Variants in TG observed in about 807,000 individuals in gnomAD.
TG encodes thyroid hormones.
Under a neutral mutation model 324.7 loss-of-function variants are expected in TG, and 270 were observed. That is an observed-to-expected ratio of 0.83 (90% CI 0.75 to 0.92). The LOEUF is 0.92. Ranked by LOEUF, TG falls within the 40% of genes least tolerant of loss-of-function variation. The pLI is 0.00. For synonymous variants in TG, 1,401 were observed against 1,327.0 expected (o/e 1.06, Z -1.21); for missense variants, 3,591 against 3,456.4 (o/e 1.04, Z -0.98).
chr8:133,017,795 T>G lies in TG; in HGVS notation c.6580T>G (p.Tyr2194Asp). 6.2e-7 allele frequency: 1 copy of G among 1,614,218 alleles called. No homozygotes were observed. The highest frequency in any genetic ancestry group is 1.1e-5 in the South Asian group (1 of 91,086). ...CCCAACAGGAATCTCTCTGCTCAGC[T>G]ATGAGGCATCTGTACCTTCTGTGCC... ...YRKPGISLLS[Y>D]EASVPSVPIS... is the part of the protein sequence containing the mutation. Residue 2194 changes from tyrosine to aspartate, a missense_variant, in exon 38 of 48, where the codon TAT (tyrosine) becomes GAT (aspartate). Physicochemically the swap from Tyr to Asp is radical, Grantham distance 160. Transcript: ENST00000220616.
chr8:133,124,034 T>TCAA (rs1246740010), intron 45 of TG, among the ~76,000 whole-genome samples: 4 of 152,200 alleles, frequency 2.6e-5, no homozygotes, highest in African/African-American at 9.7e-5. Flanking sequence ...AAATTGGAGA[T>TCAA]CAACAGGTCC....
rs990483412 is a variant in TG at position 133,063,380 on chromosome 8, A to G, written c.7240-31664A>G. On this transcript the variant is annotated intron_variant, in intron 41 of 47. Coordinates refer to ENST00000220616, the MANE Select transcript of TG (RefSeq NM_003235.5). ...TCCTTTATGTCAACCATTCCAGAAA[A>G]CAAGTCAGAACAAGATTTTGCTATC... Among the ~76,000 whole-genome samples the G allele has an allele frequency of 5.9e-5, 9 of 152,010 alleles. No individual in the cohort carries two copies. In the East Asian group the frequency reaches 1.7e-3, roughly 29 times the overall value.
In TG at chr8:133,001,989, A is replaced by G. The variant is rs1833556951; in HGVS notation, c.6263-9912A>G. On this transcript the variant is annotated intron_variant, in intron 35 of 47. Coordinates refer to ENST00000220616, the MANE Select transcript of TG (RefSeq NM_003235.5). ...GGGAAGAAGGGTGAGGATCCTGAAGACTTTTGGATGCCTTGGACTCACTGT... is the reference window on the plus strand; with the variant it reads ...GGGAAGAAGGGTGAGGATCCTGAAGGCTTTTGGATGCCTTGGACTCACTGT... 9 of 985,458 alleles carry G rather than the reference A, an allele frequency of 9.1e-6. No homozygotes were observed. In the South Asian group the frequency reaches 4.2e-4, roughly 46 times the overall value. 61.0% of individuals were successfully genotyped at this position (985,458 alleles called of 1,614,324 possible).
At chr8:133,098,425 A>T (rs1419620573) in intron 43 of TG, among the ~76,000 whole-genome samples, 3 of 152,168 alleles carry the variant, frequency 2.0e-5, no homozygotes, top group Non-Finnish European at 4.4e-5. Context: ...CGCCCTGGAG[A>T]CAGTACTCTG....
chr8:133,031,794 T>C (rs1836665701), intron 41 of TG, among the ~76,000 whole-genome samples: 1 of 152,216 alleles, frequency 6.6e-6, no homozygotes, highest in Admixed American at 6.5e-5. Flanking sequence ...TCATGCTCTG[T>C]TCTGGCTCAT....
chr8:133,102,837 C>A (rs1179166522), intron 43 of TG: 6 of 395,834 alleles, frequency 1.5e-5, no homozygotes, highest in Non-Finnish European at 2.9e-5. Flanking sequence ...CAGAGCGCCT[C>A]CGCTGTGCCC....
intron 41 of TG, chr8:133,060,232 A>G (rs771928859): frequency 1.1e-5 from 17 of 1,612,870 alleles, no homozygotes; most frequent in African/African-American, 4.0e-5. Context: ...GGGAAAGTCA[A>G]CCGTGCCCTG....
chr8:132,967,955 C>T lies in TG; in HGVS notation c.5848C>T (p.Leu1950=). The change falls in exon 31 of 48, where the codon CTG becomes TTG. Residue 1950 remains leucine, a synonymous_variant. Transcript: ENST00000220616. ...RLILPQMPKA[L]FRKKVILEDK... is the part of the protein sequence containing the mutation. ...GATCCTGCCTCAGATGCCAAAGGCC[C>T]TGTTCCGGAAGAAAGGTGAGCACTT... The T allele has an allele frequency of 6.2e-7, 1 of 1,613,656 alleles. No homozygotes were observed. Among genetic ancestry groups the T allele is most frequent in the Non-Finnish European group, 8.5e-7 (1 of 1,179,816 alleles).
chr8:132,971,796 T>A lies in TG; in HGVS notation c.5978T>A (p.Phe1993Tyr), dbSNP rs1457261377. 6.2e-7 allele frequency: 1 copy of A among 1,612,144 alleles called. No homozygotes were observed. Among genetic ancestry groups the A allele is most frequent in the African/African-American group, 1.3e-5 (1 of 74,882 alleles). Residue 1993 changes from phenylalanine to tyrosine, a missense_variant and splice_region_variant, in exon 33 of 48, where the codon TTC becomes TAC. Phe to Tyr is a conservative substitution (Grantham distance 22). Coordinates refer to ENST00000220616, the MANE Select transcript of TG (RefSeq NM_003235.5). ...TGCTCTTTCTCTTCCTATGCCAGGT[T>A]CTTTGAATGTGAACGACGGTGCGAT... ...PMSEKSISNG[F>Y]FECERRCDAD... is the part of the protein sequence containing the mutation.
intron 45 of TG, among the ~76,000 whole-genome samples, chr8:133,119,643 C>T (rs2958686): frequency 0.22 from 34,146 of 152,020 alleles, 4,294 homozygotes; most frequent in South Asian, 0.32. Flanking sequence ...TCCCCAAAGG[C>T]CCTGTCTCTT....
intron 41 of TG, among the ~76,000 whole-genome samples, chr8:133,071,024 C>T (rs1843923805): frequency 6.6e-6 from 1 of 152,184 alleles, no homozygotes; most frequent in South Asian, 2.1e-4. Context: ...AGATTGTGGC[C>T]AAGTCACTTT....
chr8:133,065,905 T>C (rs1003531246), intron 41 of TG, among the ~76,000 whole-genome samples: 2 of 152,134 alleles, frequency 1.3e-5, no homozygotes, highest in African/African-American at 4.8e-5. Context: ...CACTTGGCAG[T>C]GTTTGGAAGC....
intron 43 of TG, among the ~76,000 whole-genome samples, chr8:133,112,011 C>T (rs12680647): frequency 6.6e-6 from 1 of 151,734 alleles, no homozygotes; most frequent in African/African-American, 2.4e-5. Flanking sequence ...GGAGTGGCTA[C>T]GTTCACCCAG....
Position 133,101,854 on chromosome 8 carries a change from C to T in TG, c.7572+5481C>T, listed in dbSNP as rs2979024. Among the ~76,000 whole-genome samples the T allele has an allele frequency of 7.0e-4, 103 of 147,074 alleles. 3 individuals carry two copies. In the South Asian group the frequency reaches 0.02, roughly 29 times the overall value. On this transcript the variant is annotated intron_variant, in intron 43 of 47. Coordinates refer to ENST00000220616, the MANE Select transcript of TG (RefSeq NM_003235.5). ...ATAGCAGCACTGTCAGCTGGAGTGA[C>T]ACAATGGCCAGGAACTGACCAGGAC...
intron 35 of TG, chr8:133,002,130 T>G: frequency 2.0e-6 from 2 of 985,442 alleles, no homozygotes; most frequent in Non-Finnish European, 2.4e-6. Context: ...GGTTTGACAT[T>G]CTGCCCTTGG....
intron 41 of TG, among the ~76,000 whole-genome samples, chr8:133,032,534 C>G (rs1836731889): frequency 6.6e-6 from 1 of 152,178 alleles, no homozygotes; most frequent in African/African-American, 2.4e-5. Flanking sequence ...TAAAAATAAA[C>G]CCTTCCATCT....
At chr8:132,979,431 G>A (rs1012399750) in intron 34 of TG, among the ~76,000 whole-genome samples, 4 of 152,198 alleles carry the variant, frequency 2.6e-5, no homozygotes, top group Non-Finnish European at 5.9e-5. Flanking sequence ...AATCTGGAAA[G>A]GAAATGACAA....
intron 22 of TG, among the ~76,000 whole-genome samples, chr8:132,927,820 A>G (rs1413472623): frequency 2.0e-5 from 3 of 152,258 alleles, no homozygotes; most frequent in African/African-American, 7.2e-5. Flanking sequence ...ACTTAGGGAC[A>G]CTGTGATGAT....
At chr8:132,921,586 A>G (rs963378087) in intron 21 of TG, among the ~76,000 whole-genome samples, 6 of 152,206 alleles carry the variant, frequency 3.9e-5, no homozygotes, top group Admixed American at 3.9e-4. Context: ...CCAGATTACA[A>G]TATTTCTTTG....
Sources: gnomAD v4.1 joint callset for allele counts (sites outside exome capture counted in the v4.1 genomes callset) on GRCh38, gnomAD v4.1.1 for gene constraint, MANE v1.5 for transcripts, NCBI Gene and HGNC (gene_info 2026-07-23, HGNC 2026-07-21) for gene names.